Variants in SETD7 observed in about 807,000 individuals in gnomAD.
The protein encoded by SETD7 is histone-lysine N-methyltransferase SETD7.
In SETD7, 16 loss-of-function variants were observed where a neutral mutation model predicts 41.8. That is an observed-to-expected ratio of 0.38 (90% CI 0.26 to 0.58). The LOEUF is 0.58. Among genes scored for constraint, SETD7 ranks in the 20% least tolerant of loss-of-function variants. SETD7 has a pLI of 0.64. For missense variants in SETD7, 346 were observed against 459.7 expected (o/e 0.75, Z 2.26); for synonymous variants, 163 against 169.7 (o/e 0.96, Z 0.31).
rs914265742 is a variant in SETD7, at chr4:139,555,470, C to A, written c.40+628G>T. ...AGCTGAGGGGAGGGCTGCCCGCCTC[C>A]CGGACGGCGCACGTTCGAGTCCCGG... On this transcript the variant is annotated intron_variant, in intron 1 of 7. Transcript: ENST00000274031. The surrounding 1 kb of genome is among the most constrained non-coding windows in gnomAD (Gnocchi z 4.0). Among the ~76,000 whole-genome samples, 1 of 152,062 alleles carries A rather than the reference C, an allele frequency of 6.6e-6. No homozygotes were observed. Among genetic ancestry groups the A allele is most frequent in the African/African-American group, 2.4e-5 (1 of 41,432 alleles).
rs1317189087 is a variant in SETD7, at chr4:139,509,006, G to C, written c.*2657C>G. The C allele has an allele frequency of 6.5e-6, 1 of 152,736 alleles. No homozygotes were observed. 9.5% of individuals were successfully genotyped at this position (152,736 alleles called of 1,614,324 possible). On this transcript the variant is annotated 3_prime_UTR_variant, in exon 8 of 8. Transcript: ENST00000274031. ...GGGAGGGGTGGGGAAGACAGAGCCAGAGACATAAGCAAACAGAGAGGCACA... is the reference window on the plus strand; with the variant it reads ...GGGAGGGGTGGGGAAGACAGAGCCACAGACATAAGCAAACAGAGAGGCACA...
At chr4:139,503,026 A>C (rs1199325874), downstream of SETD7, among the ~76,000 whole-genome samples, 1 of 151,718 alleles carries the variant, frequency 6.6e-6, no homozygotes, top group East Asian at 1.9e-4. Flanking sequence ...AAAATACAAA[A>C]AATTAGCGGG....
rs1324385610 is a variant in SETD7, at chr4:139,507,989, T to TA, written c.*3673dup. On this transcript the variant is annotated 3_prime_UTR_variant, in exon 8 of 8. Coordinates refer to ENST00000274031, the MANE Select transcript of SETD7 (RefSeq NM_030648.4). Reference sequence around the variant, plus strand: ...TAAAACAAAGCAAAACAGAAAATGATACCTCTACCTTCTTGGAAGATTTTA... The same window carrying TA: ...TAAAACAAAGCAAAACAGAAAATGATAACCTCTACCTTCTTGGAAGATTTTA... 1 of 152,218 alleles carries TA rather than the reference T, an allele frequency of 6.6e-6. No homozygotes were observed. Among genetic ancestry groups the TA allele is most frequent in the Non-Finnish European group, 1.5e-5 (1 of 68,038 alleles). 9.4% of individuals were successfully genotyped at this position (152,218 alleles called of 1,614,324 possible). A position where few individuals can be genotyped will look rare whatever the true frequency, so the allele number is the denominator to read the frequency against.
rs553382768 is a variant in SETD7 at position 139,507,965 on chromosome 4, A to T, written c.*3698T>A. On this transcript the variant is annotated 3_prime_UTR_variant, in exon 8 of 8. Coordinates refer to ENST00000274031, the MANE Select transcript of SETD7 (RefSeq NM_030648.4). ...GACAGAAGCTTGAGGCAACTGTTTT[A>T]AAACAAAGCAAAACAGAAAATGATA... 8 of 152,364 alleles carry T rather than the reference A, an allele frequency of 5.3e-5. No homozygotes were observed. The highest frequency in any genetic ancestry group is 2.6e-4 in the Admixed American group (4 of 15,296). 9.4% of individuals were successfully genotyped at this position (152,364 alleles called of 1,614,324 possible). A position where few individuals can be genotyped will look rare whatever the true frequency, so the allele number is the denominator to read the frequency against.
At chr4:139,541,539 G>A (rs1455348319) in intron 2 of SETD7, among the ~76,000 whole-genome samples, 2 of 152,156 alleles carry the variant, frequency 1.3e-5, no homozygotes, top group African/African-American at 4.8e-5. Context: ...TCTCGGGACC[G>A]AGTGGATGTA....
chr4:139,499,852 GC>G (rs987792134), intron 7 of SETD7, among the ~76,000 whole-genome samples: 1 of 152,130 alleles, frequency 6.6e-6, no homozygotes, highest in African/African-American at 2.4e-5. Flanking sequence ...TGACAACCCT[GC>G]CCCATACCCA....
At position 139,531,951 on chromosome 4, in the gene SETD7, G is replaced by A. The variant is rs552926785; in HGVS notation, c.372+1214C>T. Among the ~76,000 whole-genome samples, 316 of 152,136 alleles carry A rather than the reference G, an allele frequency of 2.1e-3. 2 individuals are homozygous for A. The highest frequency in any genetic ancestry group is 6.8e-3 in the African/African-American group (281 of 41,510). On this transcript the variant is annotated intron_variant, in intron 3 of 7. Coordinates refer to ENST00000274031, the MANE Select transcript of SETD7 (RefSeq NM_030648.4). ...TACTAAAAATACAAAAAAATTAGCC[G>A]GGCGTAGTGGCCTGTGCCTGCAATC...
chr4:139,503,102 TGG>T (rs1726618707), downstream of SETD7, among the ~76,000 whole-genome samples: 3 of 134,458 alleles, frequency 2.2e-5, no homozygotes, highest in Non-Finnish European at 3.1e-5. Context: ...TGCTTGAACC[TGG>T]GAGGTGGAGG....
chr4:139,553,024 A>G (rs906363272), intron 1 of SETD7, among the ~76,000 whole-genome samples: 16 of 152,174 alleles, frequency 1.1e-4, no homozygotes, highest in African/African-American at 3.9e-4. Context: ...TGTTTTCCAA[A>G]AGCCACACCA....
At chr4:139,525,617 TAGA>T (rs1299227471) in intron 4 of SETD7, among the ~76,000 whole-genome samples, 1 of 152,048 alleles carries the variant, frequency 6.6e-6, no homozygotes, top group Non-Finnish European at 1.5e-5. Flanking sequence ...AGTAGAGAAT[TAGA>T]AGTAGTTTGT....
In SETD7 at chr4:139,529,206, A is replaced by G; in HGVS notation, c.387T>C (p.Leu129=). The change falls in exon 4 of 8, where the codon CTT becomes CTC. Residue 129 remains leucine (L), a synonymous_variant. Transcript: ENST00000274031. ...CCCCATCTTCATTTACTTCTCCTAC[A>G]AGGCTTCCTCCATCCTGATGGGAGA... ...CWIYYPDGGS[L]VGEVNEDGEM... 6.8e-6 allele frequency: 11 copies of G among 1,613,158 alleles called. No homozygotes were observed. Among genetic ancestry groups the G allele is most frequent in the Non-Finnish European group, 8.5e-6 (10 of 1,179,726 alleles).
chr4:139,534,363 A>G (rs781073699), intron 2 of SETD7, among the ~76,000 whole-genome samples: 2 of 152,150 alleles, frequency 1.3e-5, no homozygotes, highest in South Asian at 2.1e-4. Context: ...TAACATAGGC[A>G]GAGAGTATTT....
chr4:139,529,479 G>A (rs989711479), intron 3 of SETD7, among the ~76,000 whole-genome samples: 7 of 152,162 alleles, frequency 4.6e-5, no homozygotes, highest in African/African-American at 1.7e-4. Context: ...AAATTCCGTT[G>A]CAGTTTGTAA....
At chr4:139,504,319 G>A (rs1726652673), downstream of SETD7, among the ~76,000 whole-genome samples, 1 of 152,118 alleles carries the variant, frequency 6.6e-6, no homozygotes, top group African/African-American at 2.4e-5. Flanking sequence ...CAAAACTTAA[G>A]GAAAAACACA....
intron 2 of SETD7, among the ~76,000 whole-genome samples, chr4:139,535,746 G>A (rs1028791987): frequency 3.9e-5 from 6 of 152,002 alleles, no homozygotes; most frequent in Admixed American, 1.3e-4. Context: ...ATCTTACTGC[G>A]TTATTTTTTC....
At chr4:139,499,294 A>C (rs1726523541) in intron 7 of SETD7, among the ~76,000 whole-genome samples, 1 of 152,232 alleles carries the variant, frequency 6.6e-6, no homozygotes, top group African/African-American at 2.4e-5. Flanking sequence ...GAATTTGTAA[A>C]GACTAACAAG....
In SETD7 at chr4:139,511,567, C is replaced by T. The variant is rs1326114479; in HGVS notation, c.*96G>A. ...CGCATGGTGAGAGGATGTGACGTCA[C>T]AGCATGAGCAGTCCCTGGTTGTCCC... is the stretch of plus-strand genomic sequence containing the variant. On this transcript the variant is annotated 3_prime_UTR_variant, in exon 8 of 8. Coordinates refer to ENST00000274031, the MANE Select transcript of SETD7 (RefSeq NM_030648.4). 7.6e-6 allele frequency: 12 copies of T among 1,585,990 alleles called. No individual in the cohort carries two copies. Among genetic ancestry groups the T allele is most frequent in the Non-Finnish European group, 9.4e-6 (11 of 1,173,044 alleles).
rs1363000396 is a variant in SETD7, at chr4:139,511,507, C to T, written c.*156G>A. 4.3e-6 allele frequency: 6 copies of T among 1,403,474 alleles called. No individual in the cohort carries two copies. Among genetic ancestry groups the T allele is most frequent in the South Asian group, 1.3e-5 (1 of 78,210 alleles). The allele number at this position is 1,403,474 out of a possible 1,614,324, so 86.9% of individuals were successfully genotyped here. Reference sequence around the variant, plus strand: ...TTAAATCTGGTATGAGTAATACAGTCAAACCTAGTTAGTATGCGAGAAAGT... The same window carrying T: ...TTAAATCTGGTATGAGTAATACAGTTAAACCTAGTTAGTATGCGAGAAAGT... On this transcript the variant is annotated 3_prime_UTR_variant, in exon 8 of 8. Coordinates refer to ENST00000274031, the MANE Select transcript of SETD7 (RefSeq NM_030648.4).
At chr4:139,549,174 T>G (rs181302316) in intron 1 of SETD7, among the ~76,000 whole-genome samples, 37 of 152,342 alleles carry the variant, frequency 2.4e-4, no homozygotes, top group Non-Finnish European at 4.4e-4. Context: ...ACTAGAGCAT[T>G]TATTAACTTG....
Sources: allele counts gnomAD v4.1 joint callset (sites outside exome capture counted in the v4.1 genomes callset), GRCh38; gene constraint gnomAD v4.1.1; non-coding constraint Gnocchi (gnomAD v3.1); transcripts MANE v1.5; gene names NCBI Gene and HGNC (gene_info 2026-07-23, HGNC 2026-07-21).